PHLPP1: variants seen among roughly 807,000 people sequenced by gnomAD.
PHLPP1 encodes the protein PH domain and leucine rich repeat protein phosphatase 1.
In PHLPP1, 42 loss-of-function variants were observed where a neutral mutation model predicts 117.2. The observed-to-expected ratio is 0.36, with a 90% confidence interval of 0.28 to 0.46. The LOEUF (loss-of-function observed/expected upper bound fraction) is 0.46, where lower values mean the gene tolerates loss of function less well. Among genes scored for constraint, PHLPP1 ranks in the 20% least tolerant of loss-of-function variants. The pLI, the probability that PHLPP1 is intolerant of heterozygous loss-of-function variation, is 1.00. For synonymous variants in PHLPP1, 1,042 were observed against 970.7 expected, an observed-to-expected ratio of 1.07 and a Z score of -1.37; for missense variants, 2,084 against 2,241.9, an observed-to-expected ratio of 0.93 and a Z score of 1.42.
intron 13 of PHLPP1, among the ~76,000 whole-genome samples, chr18:62,960,080 G>A (rs182889824): frequency 6.6e-6 from 1 of 152,216 alleles, no homozygotes; most frequent in Non-Finnish European, 1.5e-5. Context: ...GATAGCTTTT[G>A]AGTATTTTTT....
intron 3 of PHLPP1, among the ~76,000 whole-genome samples, chr18:62,851,470 T>C (rs183631063): frequency 3.3e-5 from 5 of 152,156 alleles, no homozygotes; most frequent in Non-Finnish European, 1.5e-5. Flanking sequence ...TATTTATTTA[T>C]TTATTTTTGA....
At chr18:62,757,829 A>G (rs1173814059) in intron 1 of PHLPP1, among the ~76,000 whole-genome samples, 3 of 152,218 alleles carry the variant, frequency 2.0e-5, no homozygotes, top group East Asian at 1.9e-4. Context: ...CTGTGTGAAC[A>G]ACTCAACCTG....
chr18:62,930,169 G>A (rs960325806), intron 10 of PHLPP1, among the ~76,000 whole-genome samples: 2 of 152,012 alleles, frequency 1.3e-5, no homozygotes, highest in African/African-American at 2.4e-5. Context: ...ACAAAAACAC[G>A]AACTTCCTTA....
intron 4 of PHLPP1, among the ~76,000 whole-genome samples, chr18:62,872,279 A>G (rs1915923453): frequency 6.6e-6 from 1 of 152,246 alleles, no homozygotes; most frequent in Non-Finnish European, 1.5e-5. Context: ...ATTTTAACAA[A>G]TGATGTTTGT....
At chr18:62,732,439 A>G (rs551779663) in intron 1 of PHLPP1, among the ~76,000 whole-genome samples, 1 of 152,230 alleles carries the variant, frequency 6.6e-6, no homozygotes, top group South Asian at 2.1e-4. Flanking sequence ...CATTTTTGAG[A>G]CCTACTGCTC....
chr18:62,830,171 A>C lies in PHLPP1; in HGVS notation c.1713A>C (p.Val571=). 1 of 1,593,126 alleles carries C rather than the reference A, an allele frequency of 6.3e-7. No homozygotes were observed. The highest frequency in any genetic ancestry group is 8.6e-7 in the Non-Finnish European group (1 of 1,169,190). ...TCCTATGTGGGACCTGCCTGATAGT[A>C]TCATCTGTGAAAGACAGCTTGACCG... The part of the protein sequence containing the change: ...QVILCGTCLI[V]SSVKDSLTGK... The change falls in exon 2 of 17, where the codon GTA becomes GTC. Residue 571 remains valine (V), a synonymous_variant. Transcript: ENST00000262719.
intron 4 of PHLPP1, among the ~76,000 whole-genome samples, chr18:62,893,713 C>T (rs767685080): frequency 4.6e-5 from 7 of 152,114 alleles, no homozygotes; most frequent in South Asian, 4.1e-4. Flanking sequence ...GTTAGCATAA[C>T]GCAGTCACTA....
intron 1 of PHLPP1, among the ~76,000 whole-genome samples, chr18:62,748,955 G>A (rs924688569): frequency 4.6e-5 from 7 of 151,740 alleles, no homozygotes; most frequent in African/African-American, 1.5e-4. Context: ...TATTTTAGTG[G>A]TTACCTTTAA....
intron 4 of PHLPP1, among the ~76,000 whole-genome samples, chr18:62,865,902 G>C (rs1465290203): frequency 6.6e-6 from 1 of 152,176 alleles, no homozygotes; most frequent in African/African-American, 2.4e-5. Flanking sequence ...GCAGGAAGAA[G>C]GAGAGGATTA....
Position 62,715,779 on chromosome 18 carries a change from AGCAGCAGCGGCG to A in PHLPP1, c.99_110del (p.Ala37_Ala40del). On this transcript the variant is annotated inframe_deletion, in exon 1 of 17. Coordinates refer to ENST00000262719, the MANE Select transcript of PHLPP1 (RefSeq NM_194449.4). ...CGGCGGCCGCCGCTGCGGCAGCAGC[AGCAGCAGCGGCG>A]GCCGCGGCGGCTCTGGCGGCGGCGG... 1 of 745,640 alleles carries A rather than the reference AGCAGCAGCGGCG, an allele frequency of 1.3e-6. No homozygotes were observed. The highest frequency in any genetic ancestry group is 1.7e-6 in the Non-Finnish European group (1 of 604,506). 46.2% of individuals were successfully genotyped at this position (745,640 alleles called of 1,614,324 possible).
chr18:62,801,005 TTCCTTCCCTCCCTCCCTCCCTCCC>T (rs1913761392), intron 1 of PHLPP1, among the ~76,000 whole-genome samples: 2 of 123,784 alleles, frequency 1.6e-5, no homozygotes, highest in South Asian at 2.9e-4. Context: ...CCTTCCTTGC[TTCCTTCCCTCCCTCCCTCCCTCCC>T]TCCCTCCCTC....
rs17746383 is a variant in PHLPP1, at chr18:62,939,669, G to A, written c.2961-2049G>A. ...TTTTTTTTTAATGTCAACGGAATAC[G>A]TGTTTCTTTAATGGAAAATGTTCTA... On this transcript the variant is annotated intron_variant, in intron 10 of 16. Coordinates refer to ENST00000262719, the MANE Select transcript of PHLPP1 (RefSeq NM_194449.4). Among the ~76,000 whole-genome samples the A allele has an allele frequency of 5.8e-3, 866 of 148,606 alleles. 4 individuals carry two copies. Among genetic ancestry groups the A allele is most frequent in the Non-Finnish European group, 9.2e-3 (622 of 67,504 alleles).
intron 4 of PHLPP1, among the ~76,000 whole-genome samples, chr18:62,886,398 C>A (rs183741517): frequency 3.3e-5 from 5 of 151,708 alleles, no homozygotes; most frequent in Admixed American, 2.6e-4. Context: ...GTGATCCAAC[C>A]GAGTAGCTAG....
chr18:62,945,532 A>G (rs138901872), intron 12 of PHLPP1, among the ~76,000 whole-genome samples: 1,953 of 152,288 alleles, frequency 0.013, 21 homozygotes, highest in Middle Eastern at 0.034. Flanking sequence ...ACATGAGGCT[A>G]CCCACATAGC....
rs1301680326 is a variant in PHLPP1, at chr18:62,716,681, C to A, written c.998C>A (p.Pro333His). The A allele has an allele frequency of 2.7e-6, 4 of 1,466,384 alleles. No homozygotes were observed. The East Asian group carries it at 1.2e-4, about 42-fold the overall frequency. The allele number at this position is 1,466,384 out of a possible 1,614,324, so 90.8% of individuals were successfully genotyped here. A position where few individuals can be genotyped will look rare whatever the true frequency, so the allele number is the denominator to read the frequency against. Residue 333 changes from proline to histidine, a missense_variant, in exon 1 of 17, where the codon CCT (proline) becomes CAT (histidine). This residue lies in a region of PHLPP1 where 719 missense variants were observed against 636.0 expected (regional missense o/e 1.13). Coordinates refer to ENST00000262719, the MANE Select transcript of PHLPP1 (RefSeq NM_194449.4). The surrounding 1 kb of genome is among the most constrained non-coding windows in gnomAD (Gnocchi z 5.7). ...SSPGEPFVGG[P>H]VSSPRAPRPV... ...CCCGGCGAGCCGTTCGTTGGGGGCCCTGTCTCTTCGCCCCGCGCCCCACGG... is the reference window on the plus strand; with the variant it reads ...CCCGGCGAGCCGTTCGTTGGGGGCCATGTCTCTTCGCCCCGCGCCCCACGG...
At chr18:62,873,001 A>AAAG (rs1915944287) in intron 4 of PHLPP1, among the ~76,000 whole-genome samples, 1 of 147,954 alleles carries the variant, frequency 6.8e-6, no homozygotes, top group African/African-American at 2.5e-5. Context: ...AAAAAAAAAA[A>AAAG]AAAAAAGAAA....
At chr18:62,975,257 T>C in intron 15 of PHLPP1, 140 bp from the exon 16 acceptor site, 1 of 637,644 alleles carries the variant, frequency 1.6e-6, no homozygotes, top group South Asian at 1.9e-5. Flanking sequence ...GAGCAGTGTG[T>C]GCTTTGATGA....
chr18:62,916,717 A>ATCTTTTCT (rs1274554390), intron 9 of PHLPP1, among the ~76,000 whole-genome samples: 3 of 119,000 alleles, frequency 2.5e-5, no homozygotes, highest in Non-Finnish European at 5.5e-5. Context: ...TTTTTACCTT[A>ATCTTTTCT]TCTTTTCTTC....
intron 13 of PHLPP1, among the ~76,000 whole-genome samples, chr18:62,962,180 A>G (rs1429995929): frequency 6.6e-6 from 1 of 152,258 alleles, no homozygotes. Flanking sequence ...ACCTTGTGGT[A>G]GCCAGCCTTT....
Sources: allele counts gnomAD v4.1 joint callset (sites outside exome capture counted in the v4.1 genomes callset), GRCh38; gene constraint gnomAD v4.1.1; regional missense constraint gnomAD v4.1.1; non-coding constraint Gnocchi (gnomAD v3.1); transcripts MANE v1.5; gene names NCBI Gene and HGNC (gene_info 2026-07-23, HGNC 2026-07-21).